CPLANE1: variants seen among roughly 807,000 people sequenced by gnomAD.
The protein encoded by CPLANE1 is ciliogenesis and planar polarity effector 1.
A neutral mutation model predicts 362.5 loss-of-function variants in CPLANE1; 263 were observed. The observed-to-expected ratio is 0.73, with a 90% CI of 0.66 to 0.80. The LOEUF (loss-of-function observed/expected upper bound fraction) is 0.80, where lower values mean the gene tolerates loss of function less well. CPLANE1 is among the 30% of genes least tolerant of loss of function. The pLI is 0.00. For synonymous variants in CPLANE1, 1,212 were observed against 1,302.6 expected, an observed-to-expected ratio of 0.93 and a Z score of 1.50; for missense variants, 3,461 against 3,793.4, an observed-to-expected ratio of 0.91 and a Z score of 2.30.
At chr5:37,132,627 T>C (rs1766286602) in intron 46 of CPLANE1, among the ~76,000 whole-genome samples, 1 of 152,134 alleles carries the variant, frequency 6.6e-6, no homozygotes, top group Non-Finnish European at 1.5e-5. Flanking sequence ...ATTACAGGCG[T>C]TGAGCCACCG....
At position 37,227,692 on chromosome 5, in the gene CPLANE1, T is replaced by C; in HGVS notation, c.1247A>G (p.Asp416Gly). ...HSRLPYLVIS[D>G]GYMVTTLRFL... ...TCGAAGGGTTGTGACCATATATCCA[T>C]CAGATATAACGAGGTAGGGTAACCG... Residue 416 changes from aspartate (D) to glycine (G), a missense_variant, in exon 10 of 53, where the codon GAT becomes GGT. By Grantham distance (94) the Asp-to-Gly change is moderately conservative. Coordinates refer to ENST00000651892, the MANE Select transcript of CPLANE1 (RefSeq NM_001384732.1). The C allele has an allele frequency of 1.3e-6, 2 of 1,551,390 alleles. No individual in the cohort carries two copies. Among genetic ancestry groups the C allele is most frequent in the Non-Finnish European group, 1.7e-6 (2 of 1,146,844 alleles).
At chr5:37,127,611 C>G (rs182381358) in intron 46 of CPLANE1, among the ~76,000 whole-genome samples, 1 of 149,996 alleles carries the variant, frequency 6.7e-6, no homozygotes, top group East Asian at 2.0e-4. Context: ...CTCTGCCTCC[C>G]GGGTTTAAGC....
chr5:37,194,657 C>CT (rs575103511), intron 21 of CPLANE1, among the ~76,000 whole-genome samples: 2,392 of 135,164 alleles, frequency 0.018, 47 homozygotes, highest in African/African-American at 0.049. Context: ...TAAGAATAAA[C>CT]TTTTTTTTTT....
rs749620442 is a variant in CPLANE1 at position 37,157,710 on chromosome 5, T to C, written c.7971A>G (p.Ser2657=). 1.1e-5 allele frequency: 17 copies of C among 1,613,990 alleles called. No homozygotes were observed. The highest frequency in any genetic ancestry group is 1.2e-5 in the Non-Finnish European group (14 of 1,179,946). The change falls in exon 40 of 53, where the codon TCA becomes TCG. Residue 2657 remains serine (S), a synonymous_variant. Coordinates refer to ENST00000651892, the MANE Select transcript of CPLANE1 (RefSeq NM_001384732.1). ...TATGTGGGGGAACAGCATTAGTAAC[T>C]GAAGCTGCCATATAATGTAACTCTG... ...SSAELHYMAA[S]VTNAVPPHNF...
intron 39 of CPLANE1, 142 bp from the exon 40 acceptor site, chr5:37,158,010 C>A: frequency 1.3e-6 from 1 of 762,092 alleles, no homozygotes; most frequent in South Asian, 2.3e-5. Flanking sequence ...CCTGAATGTG[C>A]CTAACTTAGG....
chr5:37,082,351 G>A, the CPLANE1 span, among the ~76,000 whole-genome samples: 1 of 152,222 alleles, frequency 6.6e-6, no homozygotes, highest in African/African-American at 2.4e-5. Context: ...TTCATATGGA[G>A]TCACAAAAGA....
At chr5:37,125,977 C>A (rs1172329426) in intron 46 of CPLANE1, among the ~76,000 whole-genome samples, 1 of 152,120 alleles carries the variant, frequency 6.6e-6, no homozygotes, top group Non-Finnish European at 1.5e-5. Flanking sequence ...GTGGCTCACA[C>A]CTGTAATCCC....
rs1446464210 is a variant in CPLANE1 at position 37,206,298 on chromosome 5, T to C, written c.3048A>G (p.Pro1016=). The C allele has an allele frequency of 2.0e-5, 31 of 1,551,742 alleles. No individual in the cohort carries two copies. Among genetic ancestry groups the C allele is most frequent in the Non-Finnish European group, 2.6e-5 (30 of 1,146,970 alleles). Reference sequence around the variant, plus strand: ...GTTTATATGCCAACCACACAGCCTCTGGAACCAGGCCACCAATAAATAGTA... The same window carrying C: ...GTTTATATGCCAACCACACAGCCTCCGGAACCAGGCCACCAATAAATAGTA... The part of the protein sequence containing the change: ...LELLFIGGLV[P]EAVWLAYKLG... The change falls in exon 17 of 53, where the codon CCA becomes CCG. Residue 1016 remains proline (P), a synonymous_variant. Coordinates refer to ENST00000651892, the MANE Select transcript of CPLANE1 (RefSeq NM_001384732.1).
rs777338237 is a variant in CPLANE1, at chr5:37,238,857, C to T, written c.938G>A (p.Arg313Lys). The T allele has an allele frequency of 1.4e-6, 2 of 1,462,642 alleles. No homozygotes were observed. The highest frequency in any genetic ancestry group is 9.1e-7 in the Non-Finnish European group (1 of 1,096,048). 90.6% of individuals were successfully genotyped at this position (1,462,642 alleles called of 1,614,324 possible). A position where few individuals can be genotyped will look rare whatever the true frequency, so the allele number is the denominator to read the frequency against. ...AAAAGACAGACAAAAGAGTTCTTAC[C>T]TAATAAGTGTAGCTGGAACCACGGG... Reference protein sequence around the residue: ...KSPVVPATLIRSYWVGDISWT... With the variant: ...KSPVVPATLIKSYWVGDISWT... The change falls in exon 8 of 53, where the codon AGG becomes AAG. Residue 313 changes from arginine (R) to lysine (K), a missense_variant and splice_region_variant. Arg to Lys is a conservative substitution (Grantham distance 26). This residue lies in a region of CPLANE1 where 3,380 missense variants were observed against 3,666.1 expected (regional missense o/e 0.92). Coordinates refer to ENST00000651892, the MANE Select transcript of CPLANE1 (RefSeq NM_001384732.1).
intron 6 of CPLANE1, among the ~76,000 whole-genome samples, chr5:37,242,173 T>C (rs2150749002): frequency 6.6e-6 from 1 of 151,776 alleles, no homozygotes; most frequent in South Asian, 2.1e-4. Flanking sequence ...ACTAACATGG[T>C]GAAACCCCGT....
intron 29 of CPLANE1, among the ~76,000 whole-genome samples, chr5:37,178,344 G>A (rs749965995): frequency 4.0e-5 from 6 of 151,798 alleles, no homozygotes; most frequent in East Asian, 1.9e-4. Flanking sequence ...GATAGGGCAC[G>A]GTGGCTCACA....
At position 37,180,840 on chromosome 5, in the gene CPLANE1, T is replaced by G. The variant is rs774528291; in HGVS notation, c.5570+17A>C. The G allele has an allele frequency of 1.9e-6, 3 of 1,611,528 alleles. No homozygotes were observed. In the African/African-American group the frequency reaches 4.0e-5, roughly 21 times the overall value. ...ACATGTCTTATATTGAAAAGAAGAG[T>G]ATAATCGGCAACTTACTTCAAGATA... On this transcript the variant is annotated intron_variant, in intron 27 of 52. Coordinates refer to ENST00000651892, the MANE Select transcript of CPLANE1 (RefSeq NM_001384732.1).
intron 21 of CPLANE1, among the ~76,000 whole-genome samples, chr5:37,193,518 A>C (rs1341267615): frequency 6.6e-6 from 1 of 152,000 alleles, no homozygotes; most frequent in Non-Finnish European, 1.5e-5. Flanking sequence ...AGCTGGGCGC[A>C]GCAGCGGGTG....
At chr5:37,094,081 A>G in the CPLANE1 span, among the ~76,000 whole-genome samples, 1 of 152,146 alleles carries the variant, frequency 6.6e-6, no homozygotes, top group Non-Finnish European at 1.5e-5. Flanking sequence ...TTTACTTGAG[A>G]CTTCTGTCAT....
At chr5:37,129,871 G>C (rs929472854) in intron 46 of CPLANE1, among the ~76,000 whole-genome samples, 18 of 152,190 alleles carry the variant, frequency 1.2e-4, no homozygotes, top group Non-Finnish European at 2.9e-5. Flanking sequence ...ACTACCATTT[G>C]ATCCAGCAAT....
the CPLANE1 span, among the ~76,000 whole-genome samples, chr5:37,089,626 A>G: frequency 6.6e-6 from 1 of 152,150 alleles, no homozygotes; most frequent in Non-Finnish European, 1.5e-5. Flanking sequence ...ATTAATGCCA[A>G]TTTGCAACCT....
chr5:37,187,045 A>C (rs1784216049), intron 23 of CPLANE1, among the ~76,000 whole-genome samples: 1 of 135,650 alleles, frequency 7.4e-6, no homozygotes, highest in African/African-American at 2.9e-5. Flanking sequence ...TGGGTGACAG[A>C]GCGAGACTCC....
chr5:37,138,813 G>C lies in CPLANE1; in HGVS notation c.8699C>G (p.Thr2900Ser). The change falls in exon 46 of 53, where the codon ACT becomes AGT. Residue 2900 changes from threonine (T) to serine (S), a missense_variant. This residue lies in a region of CPLANE1 where 3,380 missense variants were observed against 3,666.1 expected (regional missense o/e 0.92). Coordinates refer to ENST00000651892, the MANE Select transcript of CPLANE1 (RefSeq NM_001384732.1). ...GTCATCAATAATGTCTGCAATATCAGTCAATCCAGTCATCTGGAGCGGATG... is the reference window on the plus strand; with the variant it reads ...GTCATCAATAATGTCTGCAATATCACTCAATCCAGTCATCTGGAGCGGATG... ...SVHPLQMTGL[T>S]DIADIIDDLI... 6.2e-7 allele frequency: 1 copy of C among 1,611,578 alleles called. No individual in the cohort carries two copies. The highest frequency in any genetic ancestry group is 8.5e-7 in the Non-Finnish European group (1 of 1,179,178).
intron 46 of CPLANE1, among the ~76,000 whole-genome samples, chr5:37,133,560 C>T (rs1168851429): frequency 6.6e-6 from 1 of 151,272 alleles, no homozygotes; most frequent in African/African-American, 2.4e-5. Flanking sequence ...TGCATTCTTG[C>T]TTTGGTTCTC....
Sources: allele counts gnomAD v4.1 joint callset (sites outside exome capture counted in the v4.1 genomes callset), GRCh38; gene constraint gnomAD v4.1.1; regional missense constraint gnomAD v4.1.1; transcripts MANE v1.5; gene names NCBI Gene and HGNC (gene_info 2026-07-23, HGNC 2026-07-21).